Variants in TNS3 observed in about 807,000 individuals in gnomAD.
TNS3 encodes tensin 3.
TNS3 carries 45 observed loss-of-function variants against 140.9 expected under a neutral mutation model. The observed-to-expected ratio is 0.32, with a 90% CI of 0.25 to 0.41. The LOEUF is 0.41. TNS3 is among the 10% of genes least tolerant of loss of function. The probability of loss-of-function intolerance (pLI) is 1.00; values close to 1 mark genes in which losing one functional copy is unlikely to be tolerated. For missense variants in TNS3, 1,716 were observed against 1,906.7 expected, an observed-to-expected ratio of 0.90 and a Z score of 1.86; for synonymous variants, 815 against 788.4, an observed-to-expected ratio of 1.03 and a Z score of -0.56.
intron 13 of TNS3, among the ~76,000 whole-genome samples, chr7:47,409,458 G>T (rs1793638382): frequency 6.6e-6 from 1 of 152,166 alleles, no homozygotes; most frequent in South Asian, 2.1e-4. Context: ...CACCCTCTAT[G>T]ACTGAGTTGT....
At chr7:47,449,262 G>A (rs1288422492) in intron 4 of TNS3, among the ~76,000 whole-genome samples, 1 of 152,164 alleles carries the variant, frequency 6.6e-6, no homozygotes, top group East Asian at 1.9e-4. Context: ...ATGCTAGTGC[G>A]GCATTTCAAA....
intron 4 of TNS3, chr7:47,453,125 C>T (rs1319070924): frequency 1.0e-6 from 1 of 985,582 alleles, no homozygotes; most frequent in Non-Finnish European, 1.2e-6. Context: ...GTGTGGGAGT[C>T]CCCAGAACCA....
chr7:47,569,351 T>C (rs1031505528), intron 1 of TNS3, among the ~76,000 whole-genome samples: 3 of 151,878 alleles, frequency 2.0e-5, no homozygotes, highest in African/African-American at 7.3e-5. Context: ...CAGACCGGCC[T>C]GGCCAACATG....
In TNS3 at chr7:47,278,300, C is replaced by A. The variant is rs1584293904; in HGVS notation, c.4194-80G>T. 6 of 1,504,002 alleles carry A rather than the reference C, an allele frequency of 4.0e-6. No homozygotes were observed. The East Asian group carries it at 1.2e-4, about 29-fold the overall frequency. The allele number at this position is 1,504,002 out of a possible 1,614,324, so 93.2% of individuals were successfully genotyped here. ...CTACTTCCTCCAGCTGCCAGCGGCA[C>A]TGTCAGGAGGAATTTTAAGTGGCAC... On this transcript the variant is annotated intron_variant, in intron 30 of 30. Transcript: ENST00000311160.
At chr7:47,304,199 G>C (rs1786606251) in intron 21 of TNS3, among the ~76,000 whole-genome samples, 1 of 152,168 alleles carries the variant, frequency 6.6e-6, no homozygotes, top group South Asian at 2.1e-4. Flanking sequence ...TGAACCAGTT[G>C]ATTAACGGAT....
chr7:47,541,354 GTGCACACACACACA>G (rs1190260997), intron 1 of TNS3, among the ~76,000 whole-genome samples: 4 of 152,046 alleles, frequency 2.6e-5, no homozygotes, highest in Non-Finnish European at 4.4e-5. Flanking sequence ...ATACGAACCA[GTGCACACACACACA>G]TGCACACACA....
Position 47,529,036 on chromosome 7 carries a change from C to T in TNS3, c.-153G>A, listed in dbSNP as rs1189743573. On this transcript the variant is annotated splice_region_variant and 5_prime_UTR_variant, in exon 2 of 31. Transcript: ENST00000311160. ...GAGAGAATCATAAACACAGACTTAC[C>T]TCGGCATGAAATACCTTGACCGTCA... is the stretch of plus-strand genomic sequence containing the variant. 4.7e-6 allele frequency: 6 copies of T among 1,281,210 alleles called. No homozygotes were observed. Among genetic ancestry groups the T allele is most frequent in the African/African-American group, 1.5e-5 (1 of 65,538 alleles). The allele number at this position is 1,281,210 out of a possible 1,614,324, so 79.4% of individuals were successfully genotyped here.
At chr7:47,562,901 C>T (rs1362805798) in intron 1 of TNS3, among the ~76,000 whole-genome samples, 1 of 152,200 alleles carries the variant, frequency 6.6e-6, no homozygotes, top group Non-Finnish European at 1.5e-5. Flanking sequence ...TAAATCAAGG[C>T]ACACGGAAGA....
intron 1 of TNS3, among the ~76,000 whole-genome samples, chr7:47,552,847 A>C (rs1800099394): frequency 6.6e-6 from 1 of 152,254 alleles, no homozygotes; most frequent in African/African-American, 2.4e-5. Context: ...GACAGGCTAA[A>C]AGCCAGGCCT....
intron 20 of TNS3, among the ~76,000 whole-genome samples, chr7:47,312,219 C>T (rs1255327777): frequency 6.6e-6 from 1 of 152,162 alleles, no homozygotes; most frequent in African/African-American, 2.4e-5. Flanking sequence ...GCCCCTCCTC[C>T]CAGTATGGCC....
At chr7:47,576,081 C>T (rs1037833334) in intron 1 of TNS3, among the ~76,000 whole-genome samples, 2 of 152,088 alleles carry the variant, frequency 1.3e-5, no homozygotes, top group Non-Finnish European at 2.9e-5. Flanking sequence ...AAACACCTGT[C>T]CTTGATCTTT....
intron 20 of TNS3, among the ~76,000 whole-genome samples, chr7:47,335,903 C>T (rs948324942): frequency 1.3e-5 from 2 of 152,208 alleles, no homozygotes; most frequent in South Asian, 2.1e-4. Flanking sequence ...ATGTGTGCAT[C>T]CAGCATTTGA....
In TNS3 at chr7:47,368,533, G is replaced by A. The variant is rs758044150; in HGVS notation, c.2113C>T (p.Leu705=). ...AAGGTGGGATCCAGCTCCAGGATCA[G>A]CCTGTTGAGCTGCTCGATGGACTGG... is the stretch of plus-strand genomic sequence containing the variant. The part of the protein sequence containing the change: ...IDQSIEQLNR[L]ILELDPTFEP... Residue 705 remains leucine, a synonymous_variant, in exon 17 of 31, where the codon CTG becomes TTG. Coordinates refer to ENST00000311160, the MANE Select transcript of TNS3 (RefSeq NM_022748.12). 5 of 1,585,148 alleles carry A rather than the reference G, an allele frequency of 3.2e-6. No homozygotes were observed. In the South Asian group the frequency reaches 5.7e-5, roughly 18 times the overall value.
At chr7:47,363,045 TCACCACCATCACCGTCATCATC>T (rs1790461364) in intron 17 of TNS3, among the ~76,000 whole-genome samples, 1 of 448 alleles carries the variant, frequency 2.2e-3, no homozygotes, top group Non-Finnish European at 8.5e-3. Flanking sequence ...ATCAACATCA[TCACCACCATCACCGTCATCATC>T]CACCATCACC....
intron 24 of TNS3, 116 bp from the exon 25 acceptor site, chr7:47,293,944 G>A (rs776958149): frequency 6.8e-5 from 62 of 913,110 alleles, no homozygotes; most frequent in African/African-American, 8.3e-5. Flanking sequence ...CTCTGAATAC[G>A]AGTCCAGTCA....
At chr7:47,313,742 C>G (rs1483742667) in intron 20 of TNS3, among the ~76,000 whole-genome samples, 1 of 152,208 alleles carries the variant, frequency 6.6e-6, no homozygotes, top group Non-Finnish European at 1.5e-5. Context: ...CCCATGGCGC[C>G]TGGGAATTTC....
At chr7:47,430,568 T>G (rs1794880076) in intron 8 of TNS3, among the ~76,000 whole-genome samples, 1 of 152,068 alleles carries the variant, frequency 6.6e-6, no homozygotes, top group Admixed American at 6.6e-5. Context: ...AACCTGCACT[T>G]TAGACCAAAT....
At chr7:47,530,110 T>C (rs1388916985) in intron 1 of TNS3, among the ~76,000 whole-genome samples, 2 of 152,182 alleles carry the variant, frequency 1.3e-5, no homozygotes, top group African/African-American at 4.8e-5. Flanking sequence ...AGAAAGGTCA[T>C]AACAGCTTTA....
rs180802444 is a variant in TNS3, at chr7:47,369,564, C to G, written c.1082G>C (p.Ser361Thr). The G allele has an allele frequency of 6.2e-7, 1 of 1,610,684 alleles. No individual in the cohort carries two copies. The highest frequency in any genetic ancestry group is 8.5e-7 in the Non-Finnish European group (1 of 1,178,152). The change falls in exon 17 of 31, where the codon AGC (serine) becomes ACC (threonine). Residue 361 changes from serine to threonine, a missense_variant. Ser to Thr is a moderately conservative substitution (Grantham distance 58). Transcript: ENST00000311160. ...ACCTGGGATGCCAGGATCCGAGGAGCTTTTCTTCCTCACCTTCGCGTAAAG... is the reference window on the plus strand; with the variant it reads ...ACCTGGGATGCCAGGATCCGAGGAGGTTTTCTTCCTCACCTTCGCGTAAAG... The part of the protein sequence containing the change: ...GSLYAKVRKK[S>T]SSDPGIPGGP...
Sources: gnomAD v4.1 joint callset for allele counts (sites outside exome capture counted in the v4.1 genomes callset) on GRCh38, gnomAD v4.1.1 for gene constraint, MANE v1.5 for transcripts, NCBI Gene and HGNC (gene_info 2026-07-23, HGNC 2026-07-21) for gene names.